RPS6KC1: variants seen among roughly 807,000 people sequenced by gnomAD.
RPS6KC1 encodes the protein ribosomal protein S6 kinase C1, also known as inactive ribosomal protein S6 kinase delta-1.
Under a neutral mutation model 103.8 loss-of-function variants are expected in RPS6KC1, and 54 were observed. The ratio of observed to expected loss-of-function variants is 0.52; its 90% CI spans 0.42 to 0.65. The LOEUF is 0.65. RPS6KC1 is among the 30% of genes least tolerant of loss of function. The pLI is 0.00. For missense variants in RPS6KC1, 1,151 were observed against 1,253.8 expected (o/e 0.92, Z 1.24); for synonymous variants, 439 against 438.7 (o/e 1.00, Z -0.01).
the RPS6KC1 span, among the ~76,000 whole-genome samples, chr1:213,725,388 C>G: frequency 6.6e-6 from 1 of 152,216 alleles, no homozygotes; most frequent in Non-Finnish European, 1.5e-5. Flanking sequence ...CCTTAACACA[C>G]ACATCCTCCC....
chr1:213,354,816 A>G, the RPS6KC1 span, among the ~76,000 whole-genome samples: 6 of 152,156 alleles, frequency 3.9e-5, no homozygotes, highest in African/African-American at 1.4e-4. Context: ...TCATGACCCA[A>G]TCACCTCTTA....
the RPS6KC1 span, among the ~76,000 whole-genome samples, chr1:213,408,354 T>C: frequency 6.6e-6 from 1 of 152,240 alleles, no homozygotes; most frequent in Non-Finnish European, 1.5e-5. Flanking sequence ...ATTGATCATC[T>C]CATCTTCCAG....
At chr1:213,226,857 T>G (rs2093975924) in intron 8 of RPS6KC1, among the ~76,000 whole-genome samples, 1 of 152,238 alleles carries the variant, frequency 6.6e-6, no homozygotes, top group Non-Finnish European at 1.5e-5. Flanking sequence ...ACACTTTTGG[T>G]TATTGTCTTA....
chr1:213,510,304 C>T, the RPS6KC1 span, among the ~76,000 whole-genome samples: 4 of 152,222 alleles, frequency 2.6e-5, no homozygotes, highest in Non-Finnish European at 5.9e-5. Context: ...GTAAGCCCTT[C>T]AGTGTCCCCA....
At chr1:213,524,278 T>C in the RPS6KC1 span, among the ~76,000 whole-genome samples, 2 of 151,800 alleles carry the variant, frequency 1.3e-5, no homozygotes, top group Non-Finnish European at 2.9e-5. Flanking sequence ...TCTTCCCTGC[T>C]CCTCACCATC....
At chr1:213,418,879 C>A in the RPS6KC1 span, among the ~76,000 whole-genome samples, 1 of 152,212 alleles carries the variant, frequency 6.6e-6, no homozygotes, top group Non-Finnish European at 1.5e-5. Context: ...ACTCAGCTCC[C>A]CCCAGCTGCA....
chr1:213,086,920 A>G (rs1174249869), intron 3 of RPS6KC1, among the ~76,000 whole-genome samples: 2 of 152,150 alleles, frequency 1.3e-5, no homozygotes, highest in Non-Finnish European at 2.9e-5. Context: ...GTTCAATTAT[A>G]TATTTAGTTC....
the RPS6KC1 span, among the ~76,000 whole-genome samples, chr1:213,397,041 T>C: frequency 6.6e-6 from 1 of 152,168 alleles, no homozygotes; most frequent in Non-Finnish European, 1.5e-5. Context: ...AGAAAATCCA[T>C]GTGTAAAATC....
the RPS6KC1 span, among the ~76,000 whole-genome samples, chr1:213,432,606 T>C: frequency 6.6e-6 from 1 of 152,330 alleles, no homozygotes; most frequent in South Asian, 2.1e-4. Context: ...TTGTGTCTCA[T>C]TGTAATGGGA....
intron 8 of RPS6KC1, among the ~76,000 whole-genome samples, chr1:213,178,569 AC>A (rs1448254206): frequency 6.6e-6 from 1 of 151,996 alleles, no homozygotes; most frequent in Non-Finnish European, 1.5e-5. Context: ...ACAAAAAAAA[AC>A]ACAACAAAAC....
chr1:213,765,286 A>G, the RPS6KC1 span, among the ~76,000 whole-genome samples: 6 of 152,194 alleles, frequency 3.9e-5, no homozygotes, highest in African/African-American at 1.2e-4. Flanking sequence ...GAACAATTCC[A>G]TAGCGCCCCT....
At chr1:213,775,926 C>G in the RPS6KC1 span, among the ~76,000 whole-genome samples, 1 of 152,196 alleles carries the variant, frequency 6.6e-6, no homozygotes. Flanking sequence ...AGCATCTTCA[C>G]CAGGAGTAGA....
At chr1:213,264,772 TA>T (rs1001846416) in intron 14 of RPS6KC1, among the ~76,000 whole-genome samples, 5 of 151,708 alleles carry the variant, frequency 3.3e-5, no homozygotes, top group African/African-American at 9.7e-5. Context: ...GAGGTCACTT[TA>T]AAAAAAAATC....
chr1:213,151,888 CA>C (rs1215450628), intron 6 of RPS6KC1, among the ~76,000 whole-genome samples: 1 of 120,172 alleles, frequency 8.3e-6, no homozygotes, highest in South Asian at 2.7e-4. Flanking sequence ...GCTGATCCCC[CA>C]ACCTCCCTCC....
At chr1:213,707,005 A>C in the RPS6KC1 span, among the ~76,000 whole-genome samples, 1 of 152,136 alleles carries the variant, frequency 6.6e-6, no homozygotes, top group Non-Finnish European at 1.5e-5. Flanking sequence ...GCTGCAGTAA[A>C]CATATGTGTA....
At chr1:213,640,561 A>G in the RPS6KC1 span, among the ~76,000 whole-genome samples, 1 of 151,564 alleles carries the variant, frequency 6.6e-6, no homozygotes, top group Non-Finnish European at 1.5e-5. Context: ...ATTTCCCTCT[A>G]AACACGGCTT....
At chr1:213,541,498 C>A in the RPS6KC1 span, among the ~76,000 whole-genome samples, 3 of 151,942 alleles carry the variant, frequency 2.0e-5, no homozygotes, top group Non-Finnish European at 4.4e-5. Context: ...AACAAAAACC[C>A]CATGGTGTCT....
the RPS6KC1 span, among the ~76,000 whole-genome samples, chr1:213,409,349 G>T: frequency 6.6e-6 from 1 of 152,100 alleles, no homozygotes; most frequent in Non-Finnish European, 1.5e-5. Flanking sequence ...TGCGAGGAAG[G>T]GGAGGTGGTT....
the RPS6KC1 span, among the ~76,000 whole-genome samples, chr1:213,588,290 C>T: frequency 6.6e-6 from 1 of 151,174 alleles, no homozygotes; most frequent in Non-Finnish European, 1.5e-5. Context: ...CCCCTAAAAC[C>T]TCTGTCTTTT....
Sources: gnomAD v4.1 joint callset for allele counts (sites outside exome capture counted in the v4.1 genomes callset) on GRCh38, gnomAD v4.1.1 for gene constraint, MANE v1.5 for transcripts, NCBI Gene and HGNC (gene_info 2026-07-23, HGNC 2026-07-21) for gene names.